EPM2A: variants seen among roughly 807,000 people sequenced by gnomAD.
The protein encoded by EPM2A is EPM2A glucan phosphatase, laforin.
EPM2A carries 21 observed loss-of-function variants against 26.5 expected under a neutral mutation model. The observed-to-expected ratio is 0.79, with a 90% CI of 0.56 to 1.14. The LOEUF (loss-of-function observed/expected upper bound fraction) is 1.14, where lower values mean the gene tolerates loss of function less well. EPM2A is among the 50% of genes most tolerant of loss of function. EPM2A has a pLI of 0.00. For synonymous variants in EPM2A, 217 were observed against 177.6 expected, an observed-to-expected ratio of 1.22 and a Z score of -1.76; for missense variants, 458 against 440.8, an observed-to-expected ratio of 1.04 and a Z score of -0.35.
At chr6:145,430,808 A>G (rs1295969967) in intron 4 of EPM2A, among the ~76,000 whole-genome samples, 5 of 152,230 alleles carry the variant, frequency 3.3e-5, no homozygotes, top group African/African-American at 1.2e-4. Context: ...TTTCAGATTA[A>G]TTGATACTGA....
At chr6:145,563,197 T>C (rs1780833002) in intron 2 of EPM2A, among the ~76,000 whole-genome samples, 1 of 151,612 alleles carries the variant, frequency 6.6e-6, no homozygotes, top group African/African-American at 2.4e-5. Flanking sequence ...CCCCTGTACC[T>C]GTGTGGAGTG....
intron 4 of EPM2A, among the ~76,000 whole-genome samples, chr6:145,406,723 C>T (rs1778574475): frequency 6.6e-6 from 1 of 152,096 alleles, no homozygotes. Context: ...ACTGGTGTTA[C>T]CTTCAGGCTA....
chr6:145,490,239 C>A, intron 4 of EPM2A: 1 of 1,228,190 alleles, frequency 8.1e-7, no homozygotes, highest in South Asian at 1.5e-5. Context: ...AACCACAAGT[C>A]ACATAAAGAA....
intron 1 of EPM2A, 69 bp downstream of exon 1, chr6:145,735,129 G>T: frequency 1.6e-6 from 2 of 1,244,424 alleles, no homozygotes; most frequent in Non-Finnish European, 2.2e-6. Flanking sequence ...GCCCGAGGCC[G>T]AGGCCCCGGT....
At chr6:145,502,082 C>T (rs1452424877) in intron 3 of EPM2A, among the ~76,000 whole-genome samples, 1 of 152,152 alleles carries the variant, frequency 6.6e-6, no homozygotes, top group Non-Finnish European at 1.5e-5. Context: ...TTGGGAGAAA[C>T]ACTCTTAAGC....
intron 2 of EPM2A, among the ~76,000 whole-genome samples, chr6:145,516,551 C>A (rs1780130046): frequency 6.6e-6 from 1 of 152,158 alleles, no homozygotes; most frequent in Admixed American, 6.5e-5. Context: ...GCCACCACAG[C>A]AGAGCCGTGA....
intron 2 of EPM2A, among the ~76,000 whole-genome samples, chr6:145,685,751 A>G (rs1780858455): frequency 6.6e-6 from 1 of 152,180 alleles, no homozygotes. Context: ...AAGATTGTAT[A>G]AGGAAATACC....
chr6:145,466,776 AATGTGGCATAT>A (rs1779402036), intron 4 of EPM2A, among the ~76,000 whole-genome samples: 3 of 152,208 alleles, frequency 2.0e-5, no homozygotes, highest in Admixed American at 2.0e-4. Flanking sequence ...GGATTAAGAA[AATGTGGCATAT>A]ATACACCATG....
At chr6:145,714,022 G>C (rs1445178537) in intron 1 of EPM2A, among the ~76,000 whole-genome samples, 1 of 152,192 alleles carries the variant, frequency 6.6e-6, no homozygotes, top group Non-Finnish European at 1.5e-5. Context: ...GAAATATCCA[G>C]AACAGGCAAA....
intron 2 of EPM2A, among the ~76,000 whole-genome samples, chr6:145,572,522 C>A (rs897857943): frequency 1.3e-5 from 2 of 152,260 alleles, no homozygotes; most frequent in Admixed American, 1.3e-4. Flanking sequence ...ATAGGCTGGT[C>A]AGGTCGCATG....
At chr6:145,602,216 C>A (rs1781425407) in intron 2 of EPM2A, among the ~76,000 whole-genome samples, 1 of 152,124 alleles carries the variant, frequency 6.6e-6, no homozygotes, top group Non-Finnish European at 1.5e-5. Context: ...GTTTGTAGTA[C>A]TGCCATAGGT....
chr6:145,516,814 C>G (rs1032141263), intron 2 of EPM2A, among the ~76,000 whole-genome samples: 1 of 152,164 alleles, frequency 6.6e-6, no homozygotes, highest in Non-Finnish European at 1.5e-5. Flanking sequence ...AAAAATAGAA[C>G]TACCATATAA....
At chr6:145,639,337 A>G (rs1162129963) in intron 2 of EPM2A, 1 of 152,188 alleles carries the variant, frequency 6.6e-6, no homozygotes, top group African/African-American at 2.4e-5. Context: ...GAAGTTTTCA[A>G]ACCTGGCTAT....
At chr6:145,697,405 G>C (rs977875962) in intron 1 of EPM2A, among the ~76,000 whole-genome samples, 1 of 152,096 alleles carries the variant, frequency 6.6e-6, no homozygotes, top group East Asian at 1.9e-4. Context: ...ACAGGACCGG[G>C]GCAAAATTAA....
At chr6:145,673,697 C>A (rs1293480593) in intron 2 of EPM2A, among the ~76,000 whole-genome samples, 1 of 152,118 alleles carries the variant, frequency 6.6e-6, no homozygotes, top group Non-Finnish European at 1.5e-5. Context: ...TGAGATCAAC[C>A]TGAGAGGCTG....
rs1447102529 is a variant in EPM2A at position 145,648,336 on chromosome 6, G to A, written c.477-12850C>T. 2.6e-5 allele frequency among the ~76,000 whole-genome samples: 4 copies of A among 152,286 alleles called. No homozygotes were observed. The Middle Eastern group carries it at 0.014, about 518-fold the overall frequency. On this transcript the variant is annotated intron_variant, in intron 2 of 3. Transcript: ENST00000367519. ...GAATCCCGAGTCCTTGGTCAGTCTA[G>A]TTCTGCAGCTGTGTTTGTCAATCCA...
At chr6:145,403,228 T>G (rs1458785714) in intron 4 of EPM2A, among the ~76,000 whole-genome samples, 2 of 152,124 alleles carry the variant, frequency 1.3e-5, no homozygotes, top group Non-Finnish European at 2.9e-5. Flanking sequence ...ACATTTATCC[T>G]TTGAGTTACA....
chr6:145,706,406 G>A (rs970585687), intron 1 of EPM2A, among the ~76,000 whole-genome samples: 2 of 152,184 alleles, frequency 1.3e-5, no homozygotes, highest in Non-Finnish European at 2.9e-5. Context: ...ATATATAACC[G>A]AAATATGTAA....
At position 145,626,135 on chromosome 6, in the gene EPM2A, C is replaced by G. The variant is rs747400268; in HGVS notation, c.*1281G>C. On this transcript the variant is annotated 3_prime_UTR_variant, in exon 4 of 4. Transcript: ENST00000367519. ...GAGGCTCTCAATTAAAAAAACACTTCTCTTTCTTCTATTCTAGCATATCAT... is the reference window on the plus strand; with the variant it reads ...GAGGCTCTCAATTAAAAAAACACTTGTCTTTCTTCTATTCTAGCATATCAT... The G allele has an allele frequency of 3.9e-6, 4 of 1,025,734 alleles. No individual in the cohort carries two copies. Among genetic ancestry groups the G allele is most frequent in the Non-Finnish European group, 4.7e-6 (4 of 854,562 alleles). 63.5% of individuals were successfully genotyped at this position (1,025,734 alleles called of 1,614,324 possible). A position where few individuals can be genotyped will look rare whatever the true frequency, so the allele number is the denominator to read the frequency against.
Sources: allele counts gnomAD v4.1 joint callset (sites outside exome capture counted in the v4.1 genomes callset), GRCh38; gene constraint gnomAD v4.1.1; transcripts MANE v1.5; gene names NCBI Gene and HGNC (gene_info 2026-07-23, HGNC 2026-07-21).